Variants in CNTRL observed in about 807,000 individuals in gnomAD.
The protein encoded by CNTRL is centriolin, also known as 110 kDa centrosomal protein.
Under a neutral mutation model 303.7 loss-of-function variants are expected in CNTRL, and 233 were observed. The ratio of observed to expected loss-of-function variants is 0.77; its 90% CI spans 0.69 to 0.86. CNTRL has a LOEUF of 0.86. Ranked by LOEUF, CNTRL falls within the 40% of genes least tolerant of loss-of-function variation. The pLI is 0.00. For missense variants in CNTRL, 2,524 were observed against 2,650.6 expected (o/e 0.95, Z 1.05); for synonymous variants, 900 against 922.2 (o/e 0.98, Z 0.44).
rs756150242 is a variant in CNTRL, at chr9:121,107,874, CA to C, written c.883del (p.Arg295GlyfsTer12). 1 of 1,608,234 alleles carries C rather than the reference CA, an allele frequency of 6.2e-7. No homozygotes were observed. The highest frequency in any genetic ancestry group is 8.5e-7 in the Non-Finnish European group (1 of 1,177,594). Reference sequence around the variant, plus strand: ...ACTGAAGAGCTTAAGAGCAAACAAACAAGGTTCCTTGAGGAAATTAAAAATC... The same window carrying C: ...ACTGAAGAGCTTAAGAGCAAACAAACAGGTTCCTTGAGGAAATTAAAAATC... ...IETEELKSKQ[T>X]RFLEEIKNQD... On this transcript the variant is annotated frameshift_variant, in exon 8 of 44. Coordinates refer to ENST00000373855, the MANE Select transcript of CNTRL (RefSeq NM_007018.6). LOFTEE classifies it high-confidence loss of function.
In CNTRL at chr9:121,169,764, GC is replaced by G. The variant is rs1474263339; in HGVS notation, c.6226del (p.Leu2076Ter). On this transcript the variant is annotated frameshift_variant, in exon 39 of 44. Coordinates refer to ENST00000373855, the MANE Select transcript of CNTRL (RefSeq NM_007018.6). LOFTEE classifies it high-confidence loss of function. ...ERKKAEKQVA[S>X]LKEALKIQRS... Reference sequence around the variant, plus strand: ...AAGAAAGCTGAGAAGCAGGTGGCCAGCCTGAAGGAAGCACTTAAGATCCAGC... The same window carrying G: ...AAGAAAGCTGAGAAGCAGGTGGCCAGCTGAAGGAAGCACTTAAGATCCAGC... The G allele has an allele frequency of 6.2e-7, 1 of 1,614,222 alleles. No homozygotes were observed. The highest frequency in any genetic ancestry group is 1.3e-5 in the African/African-American group (1 of 75,050).
chr9:121,159,459 C>T (rs796761902), intron 31 of CNTRL, among the ~76,000 whole-genome samples: 7 of 152,228 alleles, frequency 4.6e-5, no homozygotes, highest in African/African-American at 1.7e-4. Flanking sequence ...TGGTGAAACC[C>T]CATCTCTACT....
chr9:121,171,149 C>A, intron 39 of CNTRL: 1 of 518,386 alleles, frequency 1.9e-6, no homozygotes, highest in South Asian at 1.8e-5. Flanking sequence ...TTATTATTCT[C>A]ATTTTACAGA....
intron 34 of CNTRL, among the ~76,000 whole-genome samples, chr9:121,163,312 C>T (rs1280466996): frequency 1.2e-5 from 1 of 82,434 alleles, no homozygotes; most frequent in Non-Finnish European, 2.6e-5. Context: ...AGAGTGAGAC[C>T]CTGTTTCAAA....
intron 2 of CNTRL, among the ~76,000 whole-genome samples, chr9:121,083,706 T>A (rs1020443238): frequency 6.6e-6 from 1 of 152,264 alleles, no homozygotes; most frequent in Non-Finnish European, 1.5e-5. Context: ...CCAAGTACTA[T>A]GTACTCTACA....
At chr9:121,154,979 G>A (rs1237161706) in intron 27 of CNTRL, 66 bp downstream of exon 27, 1 of 1,352,698 alleles carries the variant, frequency 7.4e-7, no homozygotes, top group East Asian at 2.3e-5. Flanking sequence ...TCCACCTGAA[G>A]GATTAGAAAG....
rs1365427456 is a variant in CNTRL, at chr9:121,142,101, A to G, written c.2702A>G (p.Asp901Gly). Residue 901 changes from aspartate to glycine, a missense_variant, in exon 19 of 44, where the codon GAT becomes GGT. Asp to Gly is a moderately conservative substitution (Grantham distance 94). Coordinates refer to ENST00000373855, the MANE Select transcript of CNTRL (RefSeq NM_007018.6). ...TGTATTTCTTCACAGATGAATTTTG[A>G]TAAGAGGCAACATGAAGCAAGAATC... is the stretch of plus-strand genomic sequence containing the variant. ...ERALEARMNFDKRQHEARIQQ... is the reference protein window; with the variant it reads ...ERALEARMNFGKRQHEARIQQ... The G allele has an allele frequency of 3.8e-6, 6 of 1,585,388 alleles. No homozygotes were observed. The Admixed American group carries it at 9.4e-5, about 25-fold the overall frequency.
chr9:121,175,326 G>C, intron 43 of CNTRL, 102 bp downstream of exon 43: 1 of 962,672 alleles, frequency 1.0e-6, no homozygotes, highest in Non-Finnish European at 1.6e-6. Context: ...GAGTGCATTG[G>C]TACCATCACA....
At chr9:121,165,300 T>G (rs2053042361) in intron 35 of CNTRL, among the ~76,000 whole-genome samples, 200 bp downstream of exon 35, 1 of 145,072 alleles carries the variant, frequency 6.9e-6, no homozygotes, top group Non-Finnish European at 1.5e-5. Flanking sequence ...ATGTGAATTT[T>G]ATCTCAATAA....
At chr9:121,151,168 G>T (rs1228891181) in intron 25 of CNTRL, among the ~76,000 whole-genome samples, 1 of 151,812 alleles carries the variant, frequency 6.6e-6, no homozygotes, top group East Asian at 1.9e-4. Flanking sequence ...ATATTTTATT[G>T]TACACAATAT....
intron 7 of CNTRL, among the ~76,000 whole-genome samples, chr9:121,102,952 T>C (rs2049259684): frequency 6.6e-6 from 1 of 152,040 alleles, no homozygotes; most frequent in Admixed American, 6.6e-5. Context: ...AGAATCAATA[T>C]CATGAAAATG....
chr9:121,138,210 GAA>G lies in CNTRL; in HGVS notation c.2203-333_2203-332del, dbSNP rs573061203. Among the ~76,000 whole-genome samples, 7 of 152,256 alleles carry G rather than the reference GAA, an allele frequency of 4.6e-5. No individual in the cohort carries two copies. In the South Asian group the frequency reaches 1.2e-3, roughly 27 times the overall value. ...AGTTTTTTTGAGGACCACAGTTTGA[GAA>G]ATACTAGTCTAAGGGAAAGGAGAGC... On this transcript the variant is annotated intron_variant, in intron 15 of 43. Transcript: ENST00000373855.
Position 121,150,162 on chromosome 9 carries a change from C to A in CNTRL, c.3650-8C>A. The A allele has an allele frequency of 1.3e-6, 2 of 1,591,034 alleles. No homozygotes were observed. The highest frequency in any genetic ancestry group is 2.2e-5 in the East Asian group (1 of 44,552). On this transcript the variant is annotated splice_polypyrimidine_tract_variant and splice_region_variant and intron_variant, in intron 24 of 43. Coordinates refer to ENST00000373855, the MANE Select transcript of CNTRL (RefSeq NM_007018.6). ...GTTGAATAAACTCTTCTGTTTATTT[C>A]TTTGAAGATGCAGACAGTGGAGGAG... is the stretch of plus-strand genomic sequence containing the variant.
Position 121,168,078 on chromosome 9 carries a change from AG to A in CNTRL, c.5845-17del, listed in dbSNP as rs1469956163. 6.3e-7 allele frequency: 1 copy of A among 1,597,678 alleles called. No homozygotes were observed. The highest frequency in any genetic ancestry group is 1.1e-5 in the South Asian group (1 of 90,474). Reference sequence around the variant, plus strand: ...CTATTTGTTGTTTAATGACTAATCAAGATTATTCTTTATTAAGATGTTTCAG... The same window carrying A: ...CTATTTGTTGTTTAATGACTAATCAAATTATTCTTTATTAAGATGTTTCAG... On this transcript the variant is annotated splice_polypyrimidine_tract_variant and intron_variant, in intron 37 of 43. Transcript: ENST00000373855.
intron 3 of CNTRL, among the ~76,000 whole-genome samples, chr9:121,089,764 T>C (rs2048483603): frequency 6.6e-6 from 1 of 152,192 alleles, no homozygotes; most frequent in Non-Finnish European, 1.5e-5. Flanking sequence ...AAGTTTTATA[T>C]TCCTCTGACT....
chr9:121,085,781 T>C (rs2048320247), intron 2 of CNTRL, among the ~76,000 whole-genome samples: 1 of 152,136 alleles, frequency 6.6e-6, no homozygotes, highest in African/African-American at 2.4e-5. Context: ...GAGCAAAAAC[T>C]CATGATGTGT....
In CNTRL at chr9:121,177,449, T is replaced by TA. The variant is rs145610547; in HGVS notation, c.*272dup. The TA allele has an allele frequency of 0.088, 31,088 of 353,702 alleles. 1,251 individuals are homozygous for TA. Among genetic ancestry groups the TA allele is most frequent in the Non-Finnish European group, 0.1 (20,552 of 198,408 alleles). 21.9% of individuals were successfully genotyped at this position (353,702 alleles called of 1,614,324 possible). On this transcript the variant is annotated 3_prime_UTR_variant, in exon 44 of 44. Transcript: ENST00000373855. Reference sequence around the variant, plus strand: ...TTTTTTTTAATCTTCGTAACATGTTTAAAAAAAAACAGTGATTTTAACTGC... The same window carrying TA: ...TTTTTTTTAATCTTCGTAACATGTTTAAAAAAAAAACAGTGATTTTAACTGC...
At chr9:121,075,663 ATG>A (rs1361025565) in intron 1 of CNTRL, among the ~76,000 whole-genome samples, 2 of 152,220 alleles carry the variant, frequency 1.3e-5, no homozygotes, top group South Asian at 2.1e-4. Flanking sequence ...GACCCTGGAT[ATG>A]TGTCTGAGCC....
chr9:121,096,324 G>T, intron 5 of CNTRL, 98 bp from the exon 6 acceptor site: 1 of 735,852 alleles, frequency 1.4e-6, no homozygotes. Flanking sequence ...ATTATGAAAA[G>T]TAATCTAACA....
Sources: allele counts gnomAD v4.1 joint callset (sites outside exome capture counted in the v4.1 genomes callset), GRCh38; gene constraint gnomAD v4.1.1; transcripts MANE v1.5; gene names NCBI Gene and HGNC (gene_info 2026-07-23, HGNC 2026-07-21).